RALGPS1: variants seen among roughly 807,000 people sequenced by gnomAD.
RALGPS1 encodes ras-specific guanine nucleotide-releasing factor RalGPS1.
A neutral mutation model predicts 78.8 loss-of-function variants in RALGPS1; 19 were observed. The observed-to-expected ratio is 0.24, with a 90% CI of 0.17 to 0.35. The LOEUF (loss-of-function observed/expected upper bound fraction) is 0.35, where lower values mean the gene tolerates loss of function less well. Among genes scored for constraint, RALGPS1 ranks in the 10% least tolerant of loss-of-function variants. The pLI is 1.00. For synonymous variants in RALGPS1, 228 were observed against 256.3 expected (o/e 0.89, Z 1.06); for missense variants, 454 against 688.3 (o/e 0.66, Z 3.81).
intron 8 of RALGPS1, among the ~76,000 whole-genome samples, chr9:127,133,518 G>A (rs2057162380): frequency 6.6e-6 from 1 of 152,206 alleles, no homozygotes; most frequent in Non-Finnish European, 1.5e-5. Flanking sequence ...TGCCAGCCAG[G>A]GCTGTGGGTG....
At chr9:127,075,415 A>AC (rs2136005655) in intron 8 of RALGPS1, among the ~76,000 whole-genome samples, 1 of 151,814 alleles carries the variant, frequency 6.6e-6, no homozygotes, top group Admixed American at 6.6e-5. Flanking sequence ...ATGAAGCAAG[A>AC]CCTCCTGAGG....
intron 13 of RALGPS1, among the ~76,000 whole-genome samples, chr9:127,198,415 A>C (rs148150348): frequency 1.3e-5 from 2 of 152,310 alleles, no homozygotes; most frequent in Non-Finnish European, 2.9e-5. Flanking sequence ...CTCTCCTCCA[A>C]GAGGGCTTAG....
At chr9:126,955,578 TAAAG>T (rs1174210725) in intron 1 of RALGPS1, among the ~76,000 whole-genome samples, 2 of 152,122 alleles carry the variant, frequency 1.3e-5, no homozygotes, top group Non-Finnish European at 2.9e-5. Flanking sequence ...TTCCCTTACA[TAAAG>T]AAATACATAT....
At chr9:126,995,871 A>G (rs1233660034) in intron 4 of RALGPS1, among the ~76,000 whole-genome samples, 1 of 152,222 alleles carries the variant, frequency 6.6e-6, no homozygotes, top group Admixed American at 6.5e-5. Flanking sequence ...CTCAGGATTA[A>G]GAAACTCACT....
At chr9:127,061,841 C>T (rs1283588599) in intron 7 of RALGPS1, among the ~76,000 whole-genome samples, 6 of 152,158 alleles carry the variant, frequency 3.9e-5, no homozygotes, top group Non-Finnish European at 2.9e-5. Context: ...CTCTGCCCAC[C>T]GCCAGACCAG....
At chr9:127,119,136 G>T (rs2137601448) in intron 8 of RALGPS1, among the ~76,000 whole-genome samples, 1 of 152,306 alleles carries the variant, frequency 6.6e-6, no homozygotes, top group African/African-American at 2.4e-5. Context: ...CGTGGAACAA[G>T]TCAGCCAACC....
Position 127,212,314 on chromosome 9 carries a change from C to A in RALGPS1, c.1353+78C>A. On this transcript the variant is annotated intron_variant, in intron 15 of 18. Transcript: ENST00000259351. The surrounding 1 kb of genome is among the most constrained non-coding windows in gnomAD (Gnocchi z 6.0). ...TAGTGCCCACTCCTAGAGGTCTCAG[C>A]AAAAGTCACATGCATGGCAGAGGCT... 1.8e-6 allele frequency: 2 copies of A among 1,101,800 alleles called. No homozygotes were observed. Among genetic ancestry groups the A allele is most frequent in the East Asian group, 2.5e-5 (1 of 39,786 alleles). The allele number at this position is 1,101,800 out of a possible 1,614,324, so 68.3% of individuals were successfully genotyped here. A position where few individuals can be genotyped will look rare whatever the true frequency, so the allele number is the denominator to read the frequency against.
intron 3 of RALGPS1, among the ~76,000 whole-genome samples, chr9:126,973,885 G>C (rs1163336752): frequency 1.3e-5 from 2 of 152,004 alleles, no homozygotes; most frequent in African/African-American, 4.8e-5. Flanking sequence ...TTGACTTTCT[G>C]TTTTGTTTTG....
intron 8 of RALGPS1, among the ~76,000 whole-genome samples, chr9:127,147,776 C>G (rs2058179371): frequency 6.6e-6 from 1 of 152,166 alleles, no homozygotes; most frequent in Non-Finnish European, 1.5e-5. Context: ...AAACACTTAG[C>G]ACGATGCTGG....
At position 127,220,899 on chromosome 9, in the gene RALGPS1, T is replaced by A. The variant is rs1807313022; in HGVS notation, c.*2130T>A. ...TAATTTTCTATCCCTTATAAGTTTG[T>A]CTTTTCTTTCAGAAACATCTCTTAG... On this transcript the variant is annotated 3_prime_UTR_variant, in exon 19 of 19. Transcript: ENST00000259351. The A allele has an allele frequency of 6.6e-6, 1 of 152,658 alleles. No individual in the cohort carries two copies. Among genetic ancestry groups the A allele is most frequent in the Non-Finnish European group, 1.5e-5 (1 of 68,046 alleles). The allele number at this position is 152,658 out of a possible 1,614,324, so 9.5% of individuals were successfully genotyped here.
At chr9:127,069,450 G>A (rs2049999851) in intron 8 of RALGPS1, 94 bp downstream of exon 8, 4 of 1,444,684 alleles carry the variant, frequency 2.8e-6, no homozygotes, top group Non-Finnish European at 2.9e-6. Context: ...TTTCCAGGAA[G>A]CGACATGGCC....
At chr9:127,107,128 C>T (rs1247471800) in intron 8 of RALGPS1, 1 of 152,142 alleles carries the variant, frequency 6.6e-6, no homozygotes, top group East Asian at 1.9e-4. Context: ...AGAAGTCAGC[C>T]AGAGATTTAA....
chr9:127,065,940 C>T (rs867353947), intron 7 of RALGPS1, among the ~76,000 whole-genome samples: 2 of 152,200 alleles, frequency 1.3e-5, no homozygotes, highest in Non-Finnish European at 2.9e-5. Flanking sequence ...ATGCACTATT[C>T]TTGAGAAATC....
chr9:127,120,512 G>A (rs1016359112), intron 8 of RALGPS1, among the ~76,000 whole-genome samples: 1 of 152,218 alleles, frequency 6.6e-6, no homozygotes, highest in Non-Finnish European at 1.5e-5. Flanking sequence ...AGCAGGATAT[G>A]TCCAGAACAG....
rs75496692 is a variant in RALGPS1, at chr9:127,025,008, G to A, written c.217-9423G>A. ...TGAAGAATGAGTGTTCTCATGTGGA[G>A]ACCTTGTCTGTCAACCCCAAAAGTT... On this transcript the variant is annotated intron_variant, in intron 4 of 18. Transcript: ENST00000259351. Among the ~76,000 whole-genome samples, 904 of 152,260 alleles carry A rather than the reference G, an allele frequency of 5.9e-3. 30 individuals are homozygous for A. In the East Asian group the frequency reaches 0.088, roughly 15 times the overall value.
At chr9:126,944,433 G>A (rs191403709) in intron 1 of RALGPS1, among the ~76,000 whole-genome samples, 1 of 152,216 alleles carries the variant, frequency 6.6e-6, no homozygotes, top group African/African-American at 2.4e-5. Context: ...CACCTTAGAT[G>A]GTTTCTGTTT....
chr9:126,922,012 G>T (rs2034817996), intron 1 of RALGPS1, among the ~76,000 whole-genome samples: 1 of 152,202 alleles, frequency 6.6e-6, no homozygotes, highest in Non-Finnish European at 1.5e-5. Flanking sequence ...CATGTCCAGG[G>T]TGGCAGGCAG....
chr9:126,998,681 G>T (rs1266621119), intron 4 of RALGPS1, among the ~76,000 whole-genome samples: 2 of 152,110 alleles, frequency 1.3e-5, no homozygotes, highest in African/African-American at 4.8e-5. Flanking sequence ...TATACCCAAA[G>T]GACTATAAAT....
rs909068958 is a variant in RALGPS1 at position 127,218,170 on chromosome 9, A to T, written c.1645-570A>T. 1.3e-5 allele frequency among the ~76,000 whole-genome samples: 2 copies of T among 151,802 alleles called. No individual in the cohort carries two copies. Among genetic ancestry groups the T allele is most frequent in the Admixed American group, 1.3e-4 (2 of 15,256 alleles). ...GGCAGCTTTTGGGGGTGGCAGAAAC[A>T]CTCTGACCTTGGGGCTAGTGGTCCC... On this transcript the variant is annotated intron_variant, in intron 18 of 18. Transcript: ENST00000259351. The surrounding 1 kb of genome is among the most constrained non-coding windows in gnomAD (Gnocchi z 4.4).
Sources: allele counts gnomAD v4.1 joint callset (sites outside exome capture counted in the v4.1 genomes callset), GRCh38; gene constraint gnomAD v4.1.1; non-coding constraint Gnocchi (gnomAD v3.1); transcripts MANE v1.5; gene names NCBI Gene and HGNC (gene_info 2026-07-23, HGNC 2026-07-21).